The following FREM1 variants were observed in gnomAD, a reference collection of about 807,000 sequenced individuals.
The protein encoded by FREM1 is FRAS1 related extracellular matrix 1.
FREM1 carries 220 observed loss-of-function variants against 210.1 expected under a neutral mutation model. The ratio of observed to expected loss-of-function variants is 1.05; its 90% CI spans 0.94 to 1.17. The LOEUF (loss-of-function observed/expected upper bound fraction) is 1.17. Among genes scored for constraint, FREM1 ranks in the 50% most tolerant of loss-of-function variants. The pLI is 0.00. For synonymous variants in FREM1, 1,189 were observed against 980.2 expected (o/e 1.21, Z -3.98); for missense variants, 3,454 against 2,675.5 (o/e 1.29, Z -6.42).
At chr9:14,887,213 T>C (rs62537697) in intron 1 of FREM1, among the ~76,000 whole-genome samples, 32,379 of 152,106 alleles carry the variant, frequency 0.21, 3,542 homozygotes, top group Middle Eastern at 0.28. Context: ...AAATCAAGAC[T>C]TAGATAGTCT....
At chr9:14,845,160 T>G (rs1826355043) in intron 8 of FREM1, among the ~76,000 whole-genome samples, 1 of 152,230 alleles carries the variant, frequency 6.6e-6, no homozygotes, top group South Asian at 2.1e-4. Flanking sequence ...TATCATAAAG[T>G]GTAAATATTA....
chr9:14,845,825 C>T (rs1201213065), intron 8 of FREM1, 135 bp downstream of exon 8: 7 of 855,376 alleles, frequency 8.2e-6, no homozygotes, highest in African/African-American at 1.7e-5. Flanking sequence ...ATTTCAAGAT[C>T]TCCAGATTTT....
intron 27 of FREM1, among the ~76,000 whole-genome samples, chr9:14,765,889 T>G (rs567960759): frequency 6.6e-6 from 1 of 152,330 alleles, no homozygotes; most frequent in African/African-American, 2.4e-5. Context: ...ACGTAGAAGC[T>G]GTATTAGGAA....
At position 14,857,519 on chromosome 9, in the gene FREM1, C is replaced by T. The variant is rs372665589; in HGVS notation, c.828+34G>A. 72 of 1,552,902 alleles carry T rather than the reference C, an allele frequency of 4.6e-5. No individual in the cohort carries two copies. The East Asian group carries it at 8.5e-4, about 18-fold the overall frequency. On this transcript the variant is annotated intron_variant, in intron 5 of 36. Transcript: ENST00000380880. ...TGTAACTGGCTCTCTTACTGTGAAT[C>T]CTGGGGGCACCCACACATAACCCCA...
At chr9:14,903,502 A>T (rs1440128353) in intron 1 of FREM1, among the ~76,000 whole-genome samples, 1 of 152,084 alleles carries the variant, frequency 6.6e-6, no homozygotes, top group Non-Finnish European at 1.5e-5. Flanking sequence ...CCTTATTGAG[A>T]TCCTTCCCAT....
At chr9:14,909,662 G>A (rs1266802352) in intron 1 of FREM1, among the ~76,000 whole-genome samples, 10 of 152,190 alleles carry the variant, frequency 6.6e-5, no homozygotes, top group East Asian at 3.8e-4. Context: ...GTGCCAGCAC[G>A]GATGGACTGA....
At chr9:14,846,866 C>A (rs997911265) in intron 7 of FREM1, among the ~76,000 whole-genome samples, 1 of 152,202 alleles carries the variant, frequency 6.6e-6, no homozygotes, top group African/African-American at 2.4e-5. Flanking sequence ...CTAGCTGCAG[C>A]CGCCCCATGA....
At chr9:14,846,745 G>A (rs1207437455) in intron 7 of FREM1, among the ~76,000 whole-genome samples, 1 of 152,172 alleles carries the variant, frequency 6.6e-6, no homozygotes, top group Admixed American at 6.5e-5. Context: ...CTGAAAGGGA[G>A]CAGAGCAAGC....
At chr9:14,861,391 A>C (rs1428612419) in intron 3 of FREM1, among the ~76,000 whole-genome samples, 1 of 149,042 alleles carries the variant, frequency 6.7e-6, no homozygotes, top group African/African-American at 2.5e-5. Flanking sequence ...ATATGTACAC[A>C]TATATATGTA....
chr9:14,863,733 A>G, intron 3 of FREM1, 76 bp downstream of exon 3: 1 of 839,538 alleles, frequency 1.2e-6, no homozygotes, highest in Non-Finnish European at 2.0e-6. Flanking sequence ...GACAATACAT[A>G]TCCACAAGAA....
At chr9:14,845,855 T>C in intron 8 of FREM1, 105 bp downstream of exon 8, 1 of 1,153,604 alleles carries the variant, frequency 8.7e-7, no homozygotes, top group Non-Finnish European at 1.2e-6. Flanking sequence ...ACAATTTCAT[T>C]GAGAAATTGG....
chr9:14,784,200 T>A (rs1339316681), intron 24 of FREM1, 170 bp downstream of exon 24: 1 of 547,070 alleles, frequency 1.8e-6, no homozygotes, highest in East Asian at 3.1e-5. Flanking sequence ...TCCTTTTCTT[T>A]CCTTTTTTTA....
intron 34 of FREM1, 61 bp downstream of exon 34, chr9:14,746,862 A>G (rs1207013222): frequency 1.3e-6 from 2 of 1,565,112 alleles, no homozygotes; most frequent in East Asian, 4.5e-5. Flanking sequence ...GTTCCCCTCT[A>G]TTAGCTTATC....
intron 1 of FREM1, among the ~76,000 whole-genome samples, chr9:14,875,659 C>T (rs148826838): frequency 6.6e-6 from 1 of 152,124 alleles, no homozygotes. Flanking sequence ...TCGTCTGAAG[C>T]CTTCTTCTCT....
In FREM1 at chr9:14,784,444, G is replaced by T. The variant is rs993316673; in HGVS notation, c.4368C>A (p.Ser1456Arg). Residue 1456 changes from serine to arginine, a missense_variant, in exon 24 of 37, where the codon AGC becomes AGA. By Grantham distance (110) the Ser-to-Arg change is moderately radical (BLOSUM62 -1). Coordinates refer to ENST00000380880, the MANE Select transcript of FREM1 (RefSeq NM_001379081.2). ...CTGTCTGCCCCACTACATCCATTTG[G>T]CTGAAGTTTGTAATGGGAACTCCAG... Reference protein sequence around the residue: ...HYPGVPITNFSQMDVVGQTVC... With the variant: ...HYPGVPITNFRQMDVVGQTVC... 1.2e-6 allele frequency: 2 copies of T among 1,613,754 alleles called. No homozygotes were observed. The highest frequency in any genetic ancestry group is 1.3e-5 in the African/African-American group (1 of 74,886).
intron 26 of FREM1, among the ~76,000 whole-genome samples, 170 bp from the exon 27 acceptor site, chr9:14,770,038 G>T (rs925048530): frequency 6.6e-6 from 1 of 152,032 alleles, no homozygotes; most frequent in Non-Finnish European, 1.5e-5. Context: ...CAAATGCAGC[G>T]AGCTTAAATT....
chr9:14,778,382 G>C (rs576706854), intron 24 of FREM1, among the ~76,000 whole-genome samples: 11 of 151,420 alleles, frequency 7.3e-5, no homozygotes, highest in Non-Finnish European at 1.5e-4. Context: ...TGGCCAAGGC[G>C]GGCAGATGGC....
At chr9:14,814,607 A>G (rs1161378580) in intron 15 of FREM1, among the ~76,000 whole-genome samples, 3 of 152,214 alleles carry the variant, frequency 2.0e-5, no homozygotes, top group South Asian at 2.1e-4. Flanking sequence ...AGAAAAAACC[A>G]TCTTTGTTCA....
rs373482754 is a variant in FREM1, at chr9:14,746,908, C to T, written c.6138+15G>A. The stretch of plus-strand genomic sequence containing the variant: ...TTGCGAATAAAGGTGCTTGGCTGCT[C>T]AGCCTGCCTCCTACCTTGGTTTGGG... On this transcript the variant is annotated intron_variant, in intron 34 of 36. Coordinates refer to ENST00000380880, the MANE Select transcript of FREM1 (RefSeq NM_001379081.2). 214 of 1,610,554 alleles carry T rather than the reference C, an allele frequency of 1.3e-4. No individual in the cohort carries two copies. The highest frequency in any genetic ancestry group is 1.8e-4 in the Non-Finnish European group (207 of 1,179,104).
Sources: gnomAD v4.1 joint callset for allele counts (sites outside exome capture counted in the v4.1 genomes callset) on GRCh38, gnomAD v4.1.1 for gene constraint, MANE v1.5 for transcripts, NCBI Gene and HGNC (gene_info 2026-07-23, HGNC 2026-07-21) for gene names.